DCC: variants seen among roughly 807,000 people sequenced by gnomAD.
The protein encoded by DCC is netrin receptor DCC.
Under a neutral mutation model 172.5 loss-of-function variants are expected in DCC, and 58 were observed. The ratio of observed to expected loss-of-function variants is 0.34; its 90% CI spans 0.27 to 0.42. The LOEUF (loss-of-function observed/expected upper bound fraction) is 0.42, where lower values mean the gene tolerates loss of function less well. Ranked by LOEUF, DCC falls within the 10% of genes least tolerant of loss-of-function variation. The pLI is 1.00. For missense variants in DCC, 1,740 were observed against 1,791.0 expected, an observed-to-expected ratio of 0.97 and a Z score of 0.51; for synonymous variants, 709 against 644.5, an observed-to-expected ratio of 1.10 and a Z score of -1.52.
intron 1 of DCC, among the ~76,000 whole-genome samples, chr18:52,638,837 A>C (rs2034835046): frequency 6.6e-6 from 1 of 152,202 alleles, no homozygotes; most frequent in Admixed American, 6.5e-5. Flanking sequence ...GATTTAAACT[A>C]TACCTTGGAA....
intron 2 of DCC, among the ~76,000 whole-genome samples, chr18:52,888,467 T>C (rs980357607): frequency 2.0e-5 from 3 of 152,298 alleles, no homozygotes; most frequent in Middle Eastern, 3.4e-3. Flanking sequence ...AAATCTGTTA[T>C]GGACAAGTTC....
intron 5 of DCC, among the ~76,000 whole-genome samples, chr18:52,976,302 G>T (rs1214162311): frequency 6.6e-6 from 1 of 151,938 alleles, no homozygotes; most frequent in Non-Finnish European, 1.5e-5. Context: ...TAGGTTGTCT[G>T]TTTGCTCTGT....
chr18:52,415,876 G>A (rs529399669), intron 1 of DCC, among the ~76,000 whole-genome samples: 138 of 152,140 alleles, frequency 9.1e-4, no homozygotes, highest in African/African-American at 3.2e-3. Flanking sequence ...ATTTCCTTCA[G>A]TTCTACTCTG....
chr18:52,758,697 G>A (rs1393469739), intron 2 of DCC: 1 of 151,332 alleles, frequency 6.6e-6, no homozygotes, highest in African/African-American at 2.4e-5. Flanking sequence ...TAACTGAAGA[G>A]AAGGAAGAAT....
At chr18:53,226,928 G>A (rs1346932851) in intron 12 of DCC, among the ~76,000 whole-genome samples, 158 of 51,908 alleles carry the variant, frequency 3.0e-3, no homozygotes, top group African/African-American at 0.011. Flanking sequence ...GTGTGTGTGT[G>A]TGTGTGTATA....
chr18:53,305,588 T>C lies in DCC; in HGVS notation c.1922T>C (p.Val641Ala). 6.2e-7 allele frequency: 1 copy of C among 1,612,334 alleles called. No homozygotes were observed. The highest frequency in any genetic ancestry group is 2.2e-5 in the East Asian group (1 of 44,878). ...CCTATTATTTTACAGAGTATCAAAGTTAGCTGGCTGCCTCCTCCATCAGGA... is the reference window on the plus strand; with the variant it reads ...CCTATTATTTTACAGAGTATCAAAGCTAGCTGGCTGCCTCCTCCATCAGGA... Reference protein sequence around the residue: ...LEVVNSRSIKVSWLPPPSGTQ... With the variant: ...LEVVNSRSIKASWLPPPSGTQ... The change falls in exon 13 of 29, where the codon GTT (valine) becomes GCT (alanine). Residue 641 changes from valine to alanine, a missense_variant. By Grantham distance (64) the Val-to-Ala change is moderately conservative (BLOSUM62 0). Coordinates refer to ENST00000442544, the MANE Select transcript of DCC (RefSeq NM_005215.4).
chr18:52,821,916 GA>G (rs2038414140), intron 2 of DCC, among the ~76,000 whole-genome samples: 1 of 152,304 alleles, frequency 6.6e-6, no homozygotes, highest in Non-Finnish European at 1.5e-5. Context: ...ACAGGCACAT[GA>G]AGTTATAAAC....
chr18:52,787,838 G>A (rs2037687806), intron 2 of DCC, among the ~76,000 whole-genome samples: 1 of 151,958 alleles, frequency 6.6e-6, no homozygotes, highest in Non-Finnish European at 1.5e-5. Flanking sequence ...TCTTTTATTA[G>A]CCTTTACTAT....
At chr18:53,099,124 T>G (rs1247342891) in intron 7 of DCC, among the ~76,000 whole-genome samples, 1 of 152,150 alleles carries the variant, frequency 6.6e-6, no homozygotes, top group Admixed American at 6.5e-5. Context: ...CCACTTATGT[T>G]TCTTGCCTAA....
chr18:53,261,151 C>T (rs376961147), intron 12 of DCC, among the ~76,000 whole-genome samples: 50 of 152,290 alleles, frequency 3.3e-4, no homozygotes, highest in African/African-American at 9.4e-4. Flanking sequence ...TTGCACTTCC[C>T]GGGTGAGGTG....
At chr18:52,671,532 C>A (rs947067260) in intron 1 of DCC, among the ~76,000 whole-genome samples, 3 of 116,990 alleles carry the variant, frequency 2.6e-5, no homozygotes, top group Non-Finnish European at 5.3e-5. Flanking sequence ...ATATGCCAAC[C>A]TTTTTTTTTT....
intron 2 of DCC, chr18:52,809,183 T>C (rs1328293762): frequency 6.6e-6 from 1 of 152,248 alleles, no homozygotes; most frequent in Admixed American, 6.5e-5. Flanking sequence ...ATTTGAAGTT[T>C]GGCATTTTAG....
At chr18:52,713,567 G>A (rs1281015654) in intron 1 of DCC, among the ~76,000 whole-genome samples, 1 of 152,176 alleles carries the variant, frequency 6.6e-6, no homozygotes, top group African/African-American at 2.4e-5. Context: ...CAGCCCCCAT[G>A]CACTTGGATC....
intron 1 of DCC, among the ~76,000 whole-genome samples, chr18:52,665,829 A>AT (rs1392159411): frequency 2.6e-5 from 4 of 152,126 alleles, no homozygotes; most frequent in South Asian, 2.1e-4. Context: ...GAAACTGACA[A>AT]TTTTTTTAGG....
intron 5 of DCC, among the ~76,000 whole-genome samples, chr18:53,046,046 T>A (rs2042233445): frequency 6.6e-6 from 1 of 151,876 alleles, no homozygotes; most frequent in South Asian, 2.1e-4. Flanking sequence ...GTGAAATTAC[T>A]ATGAACTCTC....
chr18:53,490,736 G>A (rs1307023160), intron 26 of DCC, among the ~76,000 whole-genome samples: 1 of 152,206 alleles, frequency 6.6e-6, no homozygotes, highest in Non-Finnish European at 1.5e-5. Flanking sequence ...GCCTGAACTG[G>A]ACAAAAGTGC....
intron 1 of DCC, among the ~76,000 whole-genome samples, chr18:52,347,203 A>T (rs1983918051): frequency 6.6e-6 from 1 of 152,208 alleles, no homozygotes. Context: ...CAATGTTCTT[A>T]AATCTGTGTT....
At chr18:52,449,505 G>A (rs1988233245) in intron 1 of DCC, among the ~76,000 whole-genome samples, 1 of 152,190 alleles carries the variant, frequency 6.6e-6, no homozygotes, top group Admixed American at 6.5e-5. Context: ...AGTAAATTCA[G>A]GTAGAAGTGA....
chr18:53,184,350 A>G (rs982869667), intron 9 of DCC, among the ~76,000 whole-genome samples: 2 of 152,096 alleles, frequency 1.3e-5, no homozygotes, highest in Non-Finnish European at 2.9e-5. Context: ...GTGTCACTTA[A>G]GGAAGGAAAT....
Sources: allele counts gnomAD v4.1 joint callset (sites outside exome capture counted in the v4.1 genomes callset), GRCh38; gene constraint gnomAD v4.1.1; transcripts MANE v1.5; gene names NCBI Gene and HGNC (gene_info 2026-07-23, HGNC 2026-07-21).